PHACTR2: variants seen among roughly 807,000 people sequenced by gnomAD.
PHACTR2 encodes the protein phosphatase and actin regulator 2.
In PHACTR2, 30 loss-of-function variants were observed where a neutral mutation model predicts 76.0. That is an observed-to-expected ratio of 0.39 (90% CI 0.30 to 0.54). The LOEUF (loss-of-function observed/expected upper bound fraction) is 0.54. Ranked by LOEUF, PHACTR2 falls within the 20% of genes least tolerant of loss-of-function variation. The pLI is 0.61. For missense variants in PHACTR2, 696 were observed against 781.1 expected (o/e 0.89, Z 1.30); for synonymous variants, 292 against 292.5 (o/e 1.00, Z 0.02).
chr6:143,827,767 T>C lies in PHACTR2; in HGVS notation c.*4078T>C, dbSNP rs1776576920. 6.6e-6 allele frequency: 1 copy of C among 152,208 alleles called. No homozygotes were observed. Among genetic ancestry groups the C allele is most frequent in the South Asian group, 2.1e-4 (1 of 4,830 alleles). The allele number at this position is 152,208 out of a possible 1,614,324, so 9.4% of individuals were successfully genotyped here. On this transcript the variant is annotated 3_prime_UTR_variant, in exon 13 of 13. Transcript: ENST00000440869. Reference sequence around the variant, plus strand: ...TTGAAATGGCTAGATCTTTCACTACTGTGTAGGTAGTCTCTACTTACTGGT... The same window carrying C: ...TTGAAATGGCTAGATCTTTCACTACCGTGTAGGTAGTCTCTACTTACTGGT...
chr6:143,555,873 C>G (rs1216431292), intron 1 of PHACTR2, among the ~76,000 whole-genome samples: 1 of 150,536 alleles, frequency 6.6e-6, no homozygotes, highest in Non-Finnish European at 1.5e-5. Context: ...TCTTGACATA[C>G]AATATAATCA....
chr6:143,626,686 TATAGAGACCAA>T (rs1229761251), intron 1 of PHACTR2, among the ~76,000 whole-genome samples: 18 of 152,206 alleles, frequency 1.2e-4, no homozygotes, highest in Admixed American at 1.1e-3. Context: ...TGTTTATCCT[TATAGAGACCAA>T]ATTAACACGT....
intron 1 of PHACTR2, among the ~76,000 whole-genome samples, chr6:143,565,098 A>C (rs1396326760): frequency 3.9e-5 from 6 of 152,180 alleles, no homozygotes; most frequent in Admixed American, 3.9e-4. Context: ...TGGAATGAAA[A>C]TCAGCTTTCA....
At chr6:143,735,957 ATATGTGGG>A (rs1370485455) in intron 2 of PHACTR2, among the ~76,000 whole-genome samples, 2 of 152,216 alleles carry the variant, frequency 1.3e-5, no homozygotes, top group Non-Finnish European at 2.9e-5. Flanking sequence ...TAGGAAAAAG[ATATGTGGG>A]TATTAATAAT....
rs566066477 is a variant in PHACTR2 at position 143,608,593 on chromosome 6, C to A, written c.13+271C>A. On this transcript the variant is annotated intron_variant, in intron 1 of 11. Transcript: ENST00000305766. The surrounding 1 kb of genome is among the most constrained non-coding windows in gnomAD (Gnocchi z 4.6). ...GCTGAAGCAAGTGTGGTGTTTGATT[C>A]TTTTGTGCTCAGAGCGATGGGTGGA... 2.0e-5 allele frequency among the ~76,000 whole-genome samples: 3 copies of A among 152,148 alleles called. No homozygotes were observed. The highest frequency in any genetic ancestry group is 2.9e-5 in the Non-Finnish European group (2 of 68,030).
In PHACTR2 at chr6:143,829,262, G is replaced by C. The variant is rs976275381; in HGVS notation, c.*5573G>C. ...ATTATTGGTCATAATCCTTGTTACT[G>C]TCATGAGGATTGTTGCATGGGTTAA... On this transcript the variant is annotated 3_prime_UTR_variant, in exon 13 of 13. Transcript: ENST00000440869. 1.0e-4 allele frequency: 12 copies of C among 114,902 alleles called. No individual in the cohort carries two copies. The highest frequency in any genetic ancestry group is 2.0e-4 in the Non-Finnish European group (12 of 60,886). The allele number at this position is 114,902 out of a possible 1,614,324, so 7.1% of individuals were successfully genotyped here.
chr6:143,734,010 C>T (rs1050686673), intron 2 of PHACTR2, among the ~76,000 whole-genome samples: 129 of 152,212 alleles, frequency 8.5e-4, no homozygotes, highest in Admixed American at 8.4e-3. Flanking sequence ...TTTCTTCTCC[C>T]AGTAGAATGG....
chr6:143,654,663 G>A lies in PHACTR2; in HGVS notation c.13+46341G>A, dbSNP rs577941589. Among the ~76,000 whole-genome samples, 6 of 152,074 alleles carry A rather than the reference G, an allele frequency of 3.9e-5. No homozygotes were observed. The East Asian group carries it at 5.8e-4, about 15-fold the overall frequency. ...CTACAAAAAGTAAAAAATTAGCCAA[G>A]CATGGTGGTGCACGCCTGTAGTCCT... On this transcript the variant is annotated intron_variant, in intron 1 of 11. Coordinates refer to the PHACTR2 transcript ENST00000305766. This position sits in a 1 kb window ranked among gnomAD's most constrained non-coding sequence, Gnocchi z 4.6.
chr6:143,538,755 C>T (rs773046217), intron 1 of PHACTR2, among the ~76,000 whole-genome samples: 8 of 152,202 alleles, frequency 5.3e-5, no homozygotes, highest in African/African-American at 1.2e-4. Flanking sequence ...TTGTTTTTGC[C>T]GCCCAACATG....
intron 1 of PHACTR2, among the ~76,000 whole-genome samples, chr6:143,628,576 C>T (rs948471503): frequency 3.3e-5 from 5 of 152,132 alleles, no homozygotes; most frequent in Admixed American, 3.3e-4. Context: ...TCTGGCCCTT[C>T]GCCTCCCTCT....
At position 143,623,126 on chromosome 6, in the gene PHACTR2, T is replaced by G. The variant is rs1302360004; in HGVS notation, c.13+14804T>G. Among the ~76,000 whole-genome samples the G allele has an allele frequency of 6.6e-6, 1 of 152,196 alleles. No individual in the cohort carries two copies. The highest frequency in any genetic ancestry group is 1.5e-5 in the Non-Finnish European group (1 of 68,030). ...AAATGTGAGAGTGGAAAAAAGCAATTTTTAAAAATAGCATATTTTTAGACA... is the reference window on the plus strand; with the variant it reads ...AAATGTGAGAGTGGAAAAAAGCAATGTTTAAAAATAGCATATTTTTAGACA... On this transcript the variant is annotated intron_variant, in intron 1 of 11. Transcript: ENST00000305766. The surrounding 1 kb of genome is among the most constrained non-coding windows in gnomAD (Gnocchi z 5.9).
Position 143,602,330 on chromosome 6 carries a change from CTT to C in PHACTR2, c.217+65124_217+65125del, listed in dbSNP as rs1042128663. ...CTTAGTTAATTATTGATTATGAAGA[CTT>C]ATCCTCTCCCTGCCCCTCAAGGCTT... On this transcript the variant is annotated intron_variant, in intron 1 of 11. Coordinates refer to the PHACTR2 transcript ENST00000367584. The surrounding 1 kb of genome is among the most constrained non-coding windows in gnomAD (Gnocchi z 6.1). Among the ~76,000 whole-genome samples, 2 of 152,198 alleles carry C rather than the reference CTT, an allele frequency of 1.3e-5. No homozygotes were observed. The highest frequency in any genetic ancestry group is 1.3e-4 in the Admixed American group (2 of 15,282).
At chr6:143,781,666 A>G (rs1168734642) in intron 9 of PHACTR2, among the ~76,000 whole-genome samples, 1 of 152,174 alleles carries the variant, frequency 6.6e-6, no homozygotes, top group East Asian at 1.9e-4. Context: ...TTTATTATGT[A>G]TTTTGACAAT....
In PHACTR2 at chr6:143,789,744, T is replaced by C. The variant is rs547078048; in HGVS notation, c.1845+834T>C. On this transcript the variant is annotated intron_variant, in intron 11 of 12. Coordinates refer to ENST00000440869, the MANE Select transcript of PHACTR2 (RefSeq NM_001100164.2). The surrounding 1 kb of genome is among the most constrained non-coding windows in gnomAD (Gnocchi z 5.1). ...TAAAACTAGGCATTTAATCATGCTC[T>C]GTGCTGACTCTTTTTAATAGGAAGC... Among the ~76,000 whole-genome samples the C allele has an allele frequency of 2.6e-5, 4 of 152,350 alleles. No individual in the cohort carries two copies. The highest frequency in any genetic ancestry group is 9.6e-5 in the African/African-American group (4 of 41,584).
rs1188035289 is a variant in PHACTR2 at position 143,825,283 on chromosome 6, G to A, written c.*1594G>A. ...AACCGAAAAGTAAGCATTTAACCCGGTGAATAAATGTAGATCCTGCCATTC... is the reference window on the plus strand; with the variant it reads ...AACCGAAAAGTAAGCATTTAACCCGATGAATAAATGTAGATCCTGCCATTC... On this transcript the variant is annotated 3_prime_UTR_variant, in exon 13 of 13. Transcript: ENST00000440869. The surrounding 1 kb of genome is among the most constrained non-coding windows in gnomAD (Gnocchi z 4.1). 2.0e-5 allele frequency: 3 copies of A among 152,160 alleles called. No homozygotes were observed. The highest frequency in any genetic ancestry group is 4.1e-4 in the South Asian group (2 of 4,828). The allele number at this position is 152,160 out of a possible 1,614,324, so 9.4% of individuals were successfully genotyped here.
Position 143,806,791 on chromosome 6 carries a change from CA to C in PHACTR2, c.1846-258del, listed in dbSNP as rs1214119688. ...CAACATCTTGAGACTGTGTCTCTACCAAAAAAAATTTAAAAATTAGCTGAGC... is the reference window on the plus strand; with the variant it reads ...CAACATCTTGAGACTGTGTCTCTACCAAAAAAATTTAAAAATTAGCTGAGC... On this transcript the variant is annotated intron_variant, in intron 11 of 12. Coordinates refer to ENST00000440869, the MANE Select transcript of PHACTR2 (RefSeq NM_001100164.2). This position sits in a 1 kb window ranked among gnomAD's most constrained non-coding sequence, Gnocchi z 5.8. Among the ~76,000 whole-genome samples the C allele has an allele frequency of 1.3e-5, 2 of 151,604 alleles. No homozygotes were observed. Among genetic ancestry groups the C allele is most frequent in the South Asian group, 4.2e-4 (2 of 4,800 alleles).
chr6:143,732,228 C>T (rs1017052558), intron 2 of PHACTR2, among the ~76,000 whole-genome samples: 1 of 152,204 alleles, frequency 6.6e-6, no homozygotes, highest in African/African-American at 2.4e-5. Flanking sequence ...AAACCATCAC[C>T]ACAATCAATT....
At position 143,591,969 on chromosome 6, in the gene PHACTR2, G is replaced by T. The variant is rs1775696776; in HGVS notation, c.217+54762G>T. Among the ~76,000 whole-genome samples the T allele has an allele frequency of 6.6e-6, 1 of 152,182 alleles. No individual in the cohort carries two copies. The highest frequency in any genetic ancestry group is 6.5e-5 in the Admixed American group (1 of 15,282). On this transcript the variant is annotated intron_variant, in intron 1 of 11. Transcript: ENST00000367584. The surrounding 1 kb of genome is among the most constrained non-coding windows in gnomAD (Gnocchi z 6.4). The stretch of plus-strand genomic sequence containing the variant: ...ACTTCTGGTCTTCCTAGACCCGAGG[G>T]TTAGCCTGGGCATGGCTGTTTGTGG...
intron 1 of PHACTR2, among the ~76,000 whole-genome samples, chr6:143,594,804 A>C (rs770567895): frequency 1.1e-4 from 16 of 152,216 alleles, no homozygotes; most frequent in Non-Finnish European, 2.2e-4. Flanking sequence ...ACTGGGCTGG[A>C]GCTGCTACCA....
Sources: gnomAD v4.1 joint callset for allele counts (sites outside exome capture counted in the v4.1 genomes callset) on GRCh38, gnomAD v4.1.1 for gene constraint, Gnocchi (gnomAD v3.1) non-coding constraint, MANE v1.5 for transcripts, NCBI Gene and HGNC (gene_info 2026-07-23, HGNC 2026-07-21) for gene names.